The following CCDC102B variants were observed in gnomAD, a reference collection of about 807,000 sequenced individuals.
CCDC102B encodes coiled-coil domain containing 102B, also known as coiled-coil domain-containing protein 102B.
A neutral mutation model predicts 57.4 loss-of-function variants in CCDC102B; 75 were observed. The ratio of observed to expected loss-of-function variants is 1.31; its 90% CI spans 1.08 to 1.58. CCDC102B has a LOEUF of 1.58. CCDC102B is among the 40% of genes most tolerant of loss of function. The pLI is 0.00. For synonymous variants in CCDC102B, 206 were observed against 201.9 expected (o/e 1.02, Z -0.17); for missense variants, 636 against 582.6 (o/e 1.09, Z -0.94).
chr18:68,826,214 C>G (rs940901313), intron 1 of CCDC102B, among the ~76,000 whole-genome samples: 1 of 152,206 alleles, frequency 6.6e-6, no homozygotes, highest in Non-Finnish European at 1.5e-5. Context: ...TCCTCTGGCC[C>G]TGAGTCTCTC....
At chr18:68,909,298 A>G (rs2040756105) in intron 6 of CCDC102B, among the ~76,000 whole-genome samples, 1 of 152,172 alleles carries the variant, frequency 6.6e-6, no homozygotes, top group Non-Finnish European at 1.5e-5. Context: ...AAAAGGAAAA[A>G]AATAACGATC....
chr18:68,861,584 T>C (rs2038760683), intron 4 of CCDC102B, among the ~76,000 whole-genome samples: 1 of 152,184 alleles, frequency 6.6e-6, no homozygotes, highest in African/African-American at 2.4e-5. Context: ...TGGAGTACTT[T>C]ACCTAATGGA....
chr18:69,037,001 G>GTA (rs3059237), intron 7 of CCDC102B, among the ~76,000 whole-genome samples: 149,929 of 151,554 alleles, frequency 0.99, 74,183 homozygotes, highest in Non-Finnish European at 1. Context: ...TTGTGTATGT[G>GTA]TATATATATG....
At chr18:68,876,030 T>C (rs1453925316) in intron 5 of CCDC102B, among the ~76,000 whole-genome samples, 2 of 152,170 alleles carry the variant, frequency 1.3e-5, no homozygotes, top group African/African-American at 4.8e-5. Flanking sequence ...TTGGTGGCTT[T>C]CATAACTTTT....
intron 6 of CCDC102B, chr18:68,908,266 G>T (rs1280213815): frequency 1.2e-4 from 18 of 152,078 alleles, no homozygotes; most frequent in Non-Finnish European, 1.6e-4. Context: ...GTCATGTCTG[G>T]CTTGGGGTCA....
At chr18:69,057,612 G>C (rs917383008), downstream of CCDC102B, among the ~76,000 whole-genome samples, 3 of 151,984 alleles carry the variant, frequency 2.0e-5, 1 homozygote, top group Non-Finnish European at 4.4e-5. Context: ...GCAGGTTATA[G>C]GGACGTTCCA....
At chr18:68,870,088 C>G (rs1776853760) in intron 4 of CCDC102B, among the ~76,000 whole-genome samples, 1 of 151,978 alleles carries the variant, frequency 6.6e-6, no homozygotes, top group Admixed American at 6.6e-5. Context: ...AGCAAACTAA[C>G]ACAGGAACAG....
chr18:69,051,360 T>C (rs1258045101), intron 7 of CCDC102B, among the ~76,000 whole-genome samples: 1 of 152,034 alleles, frequency 6.6e-6, no homozygotes, highest in Non-Finnish European at 1.5e-5. Context: ...AGGAGAAAAT[T>C]ATAATATTTA....
chr18:69,041,411 G>C (rs2052431682), intron 7 of CCDC102B, among the ~76,000 whole-genome samples: 1 of 152,010 alleles, frequency 6.6e-6, no homozygotes, highest in Non-Finnish European at 1.5e-5. Flanking sequence ...AGGTTTGCCT[G>C]CTATATTACA....
chr18:68,776,801 C>A (rs376610200), intron 2 of CCDC102B, among the ~76,000 whole-genome samples: 18 of 151,896 alleles, frequency 1.2e-4, no homozygotes, highest in Middle Eastern at 3.4e-3. Context: ...GCATATGTAC[C>A]CCTGAACTTT....
intron 6 of CCDC102B, among the ~76,000 whole-genome samples, chr18:68,967,586 A>G (rs1479078358): frequency 6.6e-6 from 1 of 152,156 alleles, no homozygotes; most frequent in East Asian, 1.9e-4. Context: ...ATTACATACT[A>G]TCTTAGGTGT....
chr18:68,744,212 G>A (rs894700346), intron 2 of CCDC102B, among the ~76,000 whole-genome samples: 1 of 152,172 alleles, frequency 6.6e-6, no homozygotes, highest in Non-Finnish European at 1.5e-5. Context: ...ACACAGTTTG[G>A]ATAGGAAATG....
At chr18:69,030,415 C>T (rs2052107998) in intron 7 of CCDC102B, among the ~76,000 whole-genome samples, 1 of 152,066 alleles carries the variant, frequency 6.6e-6, no homozygotes, top group Admixed American at 6.5e-5. Context: ...TGGCAATTGG[C>T]CTGGTTACAA....
intron 4 of CCDC102B, among the ~76,000 whole-genome samples, chr18:68,864,456 C>A (rs1167908548): frequency 6.6e-6 from 1 of 152,016 alleles, no homozygotes; most frequent in East Asian, 1.9e-4. Flanking sequence ...AAAACCTGAC[C>A]TGAAGTGTAA....
intron 1 of CCDC102B, among the ~76,000 whole-genome samples, chr18:68,813,650 C>A (rs758620294): frequency 6.6e-6 from 1 of 151,552 alleles, no homozygotes; most frequent in Non-Finnish European, 1.5e-5. Context: ...GGAGCCCAGG[C>A]GAGGGGAGAC....
upstream of CCDC102B, among the ~76,000 whole-genome samples, chr18:68,796,082 G>A (rs971505088): frequency 6.6e-6 from 1 of 152,184 alleles, no homozygotes; most frequent in Non-Finnish European, 1.5e-5. Flanking sequence ...GACTTCAAGT[G>A]CATAAGTACC....
In CCDC102B at chr18:68,965,708, T is replaced by C. The variant is rs1001351635; in HGVS notation, c.1264-45226T>C. 4.6e-5 allele frequency among the ~76,000 whole-genome samples: 7 copies of C among 152,184 alleles called. No homozygotes were observed. In the East Asian group the frequency reaches 1.4e-3, roughly 29 times the overall value. ...TACCTGTGCCATTCCAGTATCAGTA[T>C]CTCTGATTATCTTTTTCCATTTGAG... is the stretch of plus-strand genomic sequence containing the variant. On this transcript the variant is annotated intron_variant, in intron 6 of 7. Transcript: ENST00000360242.
At chr18:68,748,205 G>GTATGT (rs2033698088) in intron 2 of CCDC102B, among the ~76,000 whole-genome samples, 1 of 137,504 alleles carries the variant, frequency 7.3e-6, no homozygotes, top group African/African-American at 2.7e-5. Flanking sequence ...TTATTAAACT[G>GTATGT]GTGTGTGTGT....
chr18:68,899,700 A>T (rs1207505736), intron 6 of CCDC102B: 1 of 152,160 alleles, frequency 6.6e-6, no homozygotes, highest in Non-Finnish European at 1.5e-5. Context: ...AATTGTAAAA[A>T]ATATGTTAGG....
Sources: allele counts gnomAD v4.1 joint callset (sites outside exome capture counted in the v4.1 genomes callset), GRCh38; gene constraint gnomAD v4.1.1; transcripts MANE v1.5; gene names NCBI Gene and HGNC (gene_info 2026-07-23, HGNC 2026-07-21).